The following FER1L5 variants were observed in gnomAD, a reference collection of about 807,000 sequenced individuals.
FER1L5 encodes the protein fer-1-like protein 5.
In FER1L5, 187 loss-of-function variants were observed where a neutral mutation model predicts 279.9. The observed-to-expected ratio is 0.67, with a 90% CI of 0.59 to 0.75. The LOEUF is 0.75. FER1L5 is among the 30% of genes least tolerant of loss of function. The probability of loss-of-function intolerance (pLI) is 0.00; values close to 1 mark genes in which losing one functional copy is unlikely to be tolerated. For missense variants in FER1L5, 2,091 were observed against 2,594.4 expected, an observed-to-expected ratio of 0.81 and a Z score of 4.21; for synonymous variants, 921 against 989.7, an observed-to-expected ratio of 0.93 and a Z score of 1.30.
At chr2:96,669,214 C>T (rs1049683144) in intron 17 of FER1L5, 77 bp downstream of exon 17, 23 of 1,356,394 alleles carry the variant, frequency 1.7e-5, no homozygotes, top group Admixed American at 2.5e-5. Context: ...CTGGGACGTG[C>T]CCCGAGGCCC....
At chr2:96,665,310 C>G (rs1039381942) in intron 14 of FER1L5, among the ~76,000 whole-genome samples, 1 of 152,198 alleles carries the variant, frequency 6.6e-6, no homozygotes, top group Admixed American at 6.5e-5. Flanking sequence ...CTCCCCTTCT[C>G]CCTCCTGTGA....
rs917247603 is a variant in FER1L5 at position 96,686,868 on chromosome 2, A to C, written c.2229+518A>C. Among the ~76,000 whole-genome samples the C allele has an allele frequency of 1.6e-3, 248 of 151,600 alleles. 1 individual carries two copies. The highest frequency in any genetic ancestry group is 3.1e-3 in the African/African-American group (128 of 41,354). On this transcript the variant is annotated intron_variant, in intron 23 of 52. Transcript: ENST00000624922. ...GAGACTCCGTCTCAAAAAAAAAAAA[A>C]AAAAAAAAAAACAGAAAACAAATCC...
At chr2:96,644,184 A>AAG (rs1394796151) in intron 1 of FER1L5, among the ~76,000 whole-genome samples, 1 of 150,690 alleles carries the variant, frequency 6.6e-6, no homozygotes, top group African/African-American at 2.4e-5. Context: ...CAAAAAAAAA[A>AAG]AAAAAAGAAA....
At chr2:96,692,401 C>A (rs2077187678) in intron 31 of FER1L5, among the ~76,000 whole-genome samples, 1 of 152,176 alleles carries the variant, frequency 6.6e-6, no homozygotes, top group South Asian at 2.1e-4. Context: ...AGACGCAGAC[C>A]CCTCTCCCAA....
In FER1L5 at chr2:96,702,783, C is replaced by T. The variant is rs2077637224; in HGVS notation, c.5397+42C>T. On this transcript the variant is annotated intron_variant, in intron 48 of 52. Transcript: ENST00000624922. The surrounding 1 kb of genome is among the most constrained non-coding windows in gnomAD (Gnocchi z 4.0). ...GTGAGGGGCAACAGGCCACAACAAA[C>T]AGACCCAGGCTCCTGGAGCTCCTCC... The T allele has an allele frequency of 2.5e-6, 4 of 1,605,976 alleles. No individual in the cohort carries two copies. Among genetic ancestry groups the T allele is most frequent in the African/African-American group, 1.3e-5 (1 of 74,776 alleles).
chr2:96,667,801 C>T (rs1160859768), intron 14 of FER1L5, among the ~76,000 whole-genome samples: 2 of 152,212 alleles, frequency 1.3e-5, no homozygotes, highest in African/African-American at 4.8e-5. Context: ...GTAATATCTA[C>T]CAGCCCACAG....
rs1228578112 is a variant in FER1L5, at chr2:96,650,255, A to G, written c.470A>G (p.His157Arg). ...QKLMVPGSTAHRALSSKPQHF... is the reference protein window; with the variant it reads ...QKLMVPGSTARRALSSKPQHF... ...CTGATGGTCCCTGGCTCCACTGCGC[A>G]CAGGGCTCTGTCCTCAAAGCCTCAG... The change falls in exon 6 of 53, where the codon CAC becomes CGC. Residue 157 changes from histidine to arginine, a missense_variant. Transcript: ENST00000624922. The G allele has an allele frequency of 6.4e-7, 1 of 1,551,710 alleles. No homozygotes were observed. Among genetic ancestry groups the G allele is most frequent in the South Asian group, 1.2e-5 (1 of 84,066 alleles).
At position 96,684,386 on chromosome 2, in the gene FER1L5, A is replaced by G; in HGVS notation, c.1729A>G (p.Asn577Asp). The G allele has an allele frequency of 6.4e-7, 1 of 1,551,562 alleles. No individual in the cohort carries two copies. Among genetic ancestry groups the G allele is most frequent in the South Asian group, 1.2e-5 (1 of 84,050 alleles). Reference sequence around the variant, plus strand: ...CAAGCCTGTCGTGGCCGTGACCTCCAACTGGGAGGACGTCAGCTTCCGCAT... The same window carrying G: ...CAAGCCTGTCGTGGCCGTGACCTCCGACTGGGAGGACGTCAGCTTCCGCAT... ...NTKPVVAVTSNWEDVSFRMNC... is the reference protein window; with the variant it reads ...NTKPVVAVTSDWEDVSFRMNC... Residue 577 changes from asparagine to aspartate, a missense_variant, in exon 20 of 53, where the codon AAC (asparagine) becomes GAC (aspartate). Asn to Asp is a conservative substitution (Grantham distance 23). Transcript: ENST00000624922.
At chr2:96,657,075 A>ATC (rs2075628152) in intron 9 of FER1L5, among the ~76,000 whole-genome samples, 1 of 148,868 alleles carries the variant, frequency 6.7e-6, no homozygotes, top group African/African-American at 2.5e-5. Flanking sequence ...TTATATATAT[A>ATC]TATATATAGT....
In FER1L5 at chr2:96,662,235, C is replaced by A. The variant is rs1262669686; in HGVS notation, c.1039C>A (p.Pro347Thr). The change falls in exon 13 of 53, where the codon CCT (proline) becomes ACT (threonine). Residue 347 changes from proline to threonine, a missense_variant. Pro to Thr is a conservative substitution (Grantham distance 38). Coordinates refer to ENST00000624922, the MANE Select transcript of FER1L5 (RefSeq NM_001293083.2). ...LHLKKHQSVNPQLEVELIGEK... is the reference protein window; with the variant it reads ...LHLKKHQSVNTQLEVELIGEK... ...CATAGAGAAACACCAGTCAGTGAAT[C>A]CTCAGTTGGAGGTGGAACTAATTGG... 1 of 1,551,420 alleles carries A rather than the reference C, an allele frequency of 6.4e-7. No homozygotes were observed. The highest frequency in any genetic ancestry group is 1.4e-5 in the African/African-American group (1 of 73,008).
chr2:96,659,335 T>TTCCTTCCTTCCTTCCG (rs1558853078), intron 9 of FER1L5, among the ~76,000 whole-genome samples: 3 of 83,342 alleles, frequency 3.6e-5, no homozygotes, highest in Admixed American at 1.7e-4. Context: ...CCTTCCTTCC[T>TTCCTTCCTTCCTTCCG]TCCTTCCTTC....
Position 96,684,318 on chromosome 2 carries a change from G to C in FER1L5, c.1670-9G>C. 1 of 1,551,020 alleles carries C rather than the reference G, an allele frequency of 6.4e-7. No homozygotes were observed. Among genetic ancestry groups the C allele is most frequent in the Non-Finnish European group, 8.7e-7 (1 of 1,146,480 alleles). The stretch of plus-strand genomic sequence containing the variant: ...ACACCCCATCCCTCCATGTGTCTCT[G>C]TGTCTCAGGGAACATCTACCATTAT... On this transcript the variant is annotated splice_polypyrimidine_tract_variant and intron_variant, in intron 19 of 52. Coordinates refer to ENST00000624922, the MANE Select transcript of FER1L5 (RefSeq NM_001293083.2).
chr2:96,695,423 T>G, intron 34 of FER1L5, 86 bp from the exon 35 acceptor site: 1 of 1,472,280 alleles, frequency 6.8e-7, no homozygotes, highest in Non-Finnish European at 9.0e-7. Flanking sequence ...GCACCGCTAT[T>G]GCCCCTCAGC....
In FER1L5 at chr2:96,649,190, G is replaced by A. The variant is rs115046975; in HGVS notation, c.340-433G>A. On this transcript the variant is annotated intron_variant, in intron 4 of 52. Coordinates refer to ENST00000624922, the MANE Select transcript of FER1L5 (RefSeq NM_001293083.2). Reference sequence around the variant, plus strand: ...CAGGGGGCCATCCTGGTGATGGTCTGGAGGCTGGGATGGTAATGGGAGCAT... The same window carrying A: ...CAGGGGGCCATCCTGGTGATGGTCTAGAGGCTGGGATGGTAATGGGAGCAT... Among the ~76,000 whole-genome samples the A allele has an allele frequency of 3.6e-3, 549 of 152,258 alleles. 2 individuals carry two copies. The highest frequency in any genetic ancestry group is 0.012 in the African/African-American group (519 of 41,558).
chr2:96,646,583 G>A, intron 2 of FER1L5, 130 bp downstream of exon 2: 1 of 947,860 alleles, frequency 1.1e-6, no homozygotes. Context: ...CTCAAGGCTG[G>A]GCATCTTGGC....
chr2:96,642,859 C>T lies in FER1L5; in HGVS notation c.23C>T (p.Ser8Leu), dbSNP rs2074942675. Residue 8 changes from serine (S) to leucine (L), a missense_variant, in exon 1 of 53, where the codon TCG becomes TTG. Coordinates refer to ENST00000624922, the MANE Select transcript of FER1L5 (RefSeq NM_001293083.2). ...GAGATGCTGCGGCTTGTGGTGCAGT[C>T]GGCCAAGATTGACCCACCACTAGCC... The part of the protein sequence containing the change: MLRLVVQ[S>L]AKIDPPLAPL... 9 of 1,550,970 alleles carry T rather than the reference C, an allele frequency of 5.8e-6. No individual in the cohort carries two copies. Among genetic ancestry groups the T allele is most frequent in the Non-Finnish European group, 7.8e-6 (9 of 1,146,648 alleles).
rs1242419748 is a variant in FER1L5, at chr2:96,694,169, A to T, written c.3636+97A>T. 5.5e-6 allele frequency: 8 copies of T among 1,444,354 alleles called. No homozygotes were observed. In the East Asian group the frequency reaches 2.0e-4, roughly 36 times the overall value. The allele number at this position is 1,444,354 out of a possible 1,614,324, so 89.5% of individuals were successfully genotyped here. ...GGGGCCAACTCCACCCTGTCAGGAA[A>T]TGCCTGGGGCCCAGGATCCCGAGCT... is the stretch of plus-strand genomic sequence containing the variant. On this transcript the variant is annotated intron_variant, in intron 33 of 52. Transcript: ENST00000624922. This position sits in a 1 kb window ranked among gnomAD's most constrained non-coding sequence, Gnocchi z 4.6.
chr2:96,675,377 T>A (rs1573877610), intron 19 of FER1L5, among the ~76,000 whole-genome samples: 1 of 152,206 alleles, frequency 6.6e-6, no homozygotes, highest in Admixed American at 6.5e-5. Context: ...CCTATTACTC[T>A]ACCTTCTCAC....
chr2:96,658,811 C>T (rs1235824339), intron 9 of FER1L5, among the ~76,000 whole-genome samples: 3 of 152,208 alleles, frequency 2.0e-5, no homozygotes, highest in Middle Eastern at 3.4e-3. Context: ...ATCTGTATAT[C>T]TTCTTTGGTG....
Sources: allele counts gnomAD v4.1 joint callset (sites outside exome capture counted in the v4.1 genomes callset), GRCh38; gene constraint gnomAD v4.1.1; non-coding constraint Gnocchi (gnomAD v3.1); transcripts MANE v1.5; gene names NCBI Gene and HGNC (gene_info 2026-07-23, HGNC 2026-07-21).